Variants in DCAF10 observed in about 807,000 individuals in gnomAD.
DCAF10 encodes the protein DDB1 and CUL4 associated factor 10.
DCAF10 carries 19 observed loss-of-function variants against 51.9 expected under a neutral mutation model. The observed-to-expected ratio is 0.37, with a 90% confidence interval of 0.26 to 0.54. The LOEUF is 0.54. Ranked by LOEUF, DCAF10 falls within the 20% of genes least tolerant of loss-of-function variation. The pLI is 0.87. For synonymous variants in DCAF10, 291 were observed against 297.1 expected, an observed-to-expected ratio of 0.98 and a Z score of 0.21; for missense variants, 510 against 730.6, an observed-to-expected ratio of 0.70 and a Z score of 3.48.
chr9:37,830,039 A>G lies in DCAF10; in HGVS notation c.653+10638A>G, dbSNP rs907225181. Among the ~76,000 whole-genome samples, 4 of 152,180 alleles carry G rather than the reference A, an allele frequency of 2.6e-5. 1 individual carries two copies. The highest frequency in any genetic ancestry group is 9.7e-5 in the African/African-American group (4 of 41,438). ...AGAAGAAGAAGAAAGAAATTAATGC[A>G]TATGTGGACACGGAGGTATATGAAG... On this transcript the variant is annotated intron_variant, in intron 2 of 6. Transcript: ENST00000377724.
intron 3 of DCAF10, among the ~76,000 whole-genome samples, chr9:37,842,610 A>G (rs1589104848): frequency 1.3e-5 from 2 of 152,212 alleles, no homozygotes; most frequent in Non-Finnish European, 2.9e-5. Flanking sequence ...TCTTCCCTCA[A>G]TTCTACATAT....
chr9:37,825,272 C>T (rs558274632), intron 2 of DCAF10, among the ~76,000 whole-genome samples: 1 of 152,290 alleles, frequency 6.6e-6, no homozygotes, highest in East Asian at 1.9e-4. Flanking sequence ...CACATGCATG[C>T]ATATGTTCAT....
chr9:37,810,567 T>C (rs967404671), intron 1 of DCAF10, among the ~76,000 whole-genome samples: 1 of 152,184 alleles, frequency 6.6e-6, no homozygotes, highest in African/African-American at 2.4e-5. Flanking sequence ...GTTCAAGCGA[T>C]TCTCCTGCCT....
intron 5 of DCAF10, chr9:37,858,426 G>A (rs180706266): frequency 6.6e-6 from 1 of 152,142 alleles, no homozygotes; most frequent in Non-Finnish European, 1.5e-5. Flanking sequence ...AATAATCATT[G>A]AGAAAAATCT....
At position 37,821,097 on chromosome 9, in the gene DCAF10, A is replaced by G. The variant is rs562505139; in HGVS notation, c.653+1696A>G. ...AATTGTTGCATATACAAACATATAT[A>G]TATATATACACACACACACACTCAC... On this transcript the variant is annotated intron_variant, in intron 2 of 6. Coordinates refer to ENST00000377724, the MANE Select transcript of DCAF10 (RefSeq NM_024345.5). Among the ~76,000 whole-genome samples the G allele has an allele frequency of 1.1e-3, 165 of 149,352 alleles. 2 individuals are homozygous for G. In the East Asian group the frequency reaches 0.029, roughly 26 times the overall value.
intron 3 of DCAF10, among the ~76,000 whole-genome samples, chr9:37,846,257 T>C (rs527305147): frequency 6.6e-6 from 1 of 152,288 alleles, no homozygotes; most frequent in African/African-American, 2.4e-5. Context: ...ATCTGTATGA[T>C]TGTTTCAAAT....
chr9:37,833,878 G>A (rs1016545142), intron 2 of DCAF10, among the ~76,000 whole-genome samples: 3 of 152,032 alleles, frequency 2.0e-5, no homozygotes, highest in African/African-American at 7.3e-5. Context: ...ATTGTTCTAG[G>A]TGCTTTAATT....
intron 2 of DCAF10, among the ~76,000 whole-genome samples, chr9:37,840,353 TC>T (rs1320013838): frequency 2.6e-5 from 4 of 152,208 alleles, no homozygotes; most frequent in Non-Finnish European, 5.9e-5. Context: ...ACAGCTCTGT[TC>T]CTGTTATTGC....
At position 37,808,561 on chromosome 9, in the gene DCAF10, A is replaced by G. The variant is rs1355503518; in HGVS notation, c.539+7156A>G. ...ATAATATATGTAATATATAAAATAT[A>G]TAATACATAATATATAATATAAAAT... is the stretch of plus-strand genomic sequence containing the variant. On this transcript the variant is annotated intron_variant, in intron 1 of 6. Coordinates refer to ENST00000377724, the MANE Select transcript of DCAF10 (RefSeq NM_024345.5). Among the ~76,000 whole-genome samples the G allele has an allele frequency of 5.9e-5, 7 of 119,016 alleles. No homozygotes were observed. In the South Asian group the frequency reaches 1.6e-3, roughly 27 times the overall value. 78.1% of individuals were successfully genotyped at this position (119,016 alleles called of 152,430 possible).
intron 3 of DCAF10, among the ~76,000 whole-genome samples, chr9:37,851,995 A>G (rs1222796027): frequency 6.6e-6 from 1 of 152,132 alleles, no homozygotes; most frequent in East Asian, 1.9e-4. Context: ...TATTGGAATA[A>G]TGACTGAGAA....
intron 1 of DCAF10, among the ~76,000 whole-genome samples, chr9:37,804,758 A>G (rs1446802165): frequency 6.6e-6 from 1 of 152,004 alleles, no homozygotes; most frequent in Non-Finnish European, 1.5e-5. Context: ...CCTGGGCAAC[A>G]AGAGCAAAAC....
chr9:37,823,684 T>A (rs1277008016), intron 2 of DCAF10, among the ~76,000 whole-genome samples: 1 of 152,114 alleles, frequency 6.6e-6, no homozygotes, highest in Non-Finnish European at 1.5e-5. Context: ...ACATATGTAA[T>A]TTTTAATTTT....
chr9:37,846,976 G>A (rs1049635773), intron 3 of DCAF10, among the ~76,000 whole-genome samples: 5 of 152,036 alleles, frequency 3.3e-5, no homozygotes, highest in African/African-American at 9.7e-5. Flanking sequence ...CTACAGGGCT[G>A]GGTGTGGTGG....
In DCAF10 at chr9:37,801,001, C is replaced by T. The variant is rs766761710; in HGVS notation, c.135C>T (p.Thr45=). ...CACTACATCCCGGGGCTGATGCGACCCATCCCCCTCCACCCGCCCGAAGCC... is the reference window on the plus strand; with the variant it reads ...CACTACATCCCGGGGCTGATGCGACTCATCCCCCTCCACCCGCCCGAAGCC... ...PSPLHPGADA[T]HPPPPARSPR... is the part of the protein sequence containing the mutation. The change falls in exon 1 of 7, where the codon ACC becomes ACT. Residue 45 remains threonine, a synonymous_variant. Coordinates refer to ENST00000377724, the MANE Select transcript of DCAF10 (RefSeq NM_024345.5). This position sits in a 1 kb window ranked among gnomAD's most constrained non-coding sequence, Gnocchi z 5.5. 22 of 1,534,414 alleles carry T rather than the reference C, an allele frequency of 1.4e-5. No homozygotes were observed. The highest frequency in any genetic ancestry group is 1.4e-5 in the African/African-American group (1 of 70,724).
chr9:37,813,145 G>A (rs1829405363), intron 1 of DCAF10, among the ~76,000 whole-genome samples: 1 of 152,124 alleles, frequency 6.6e-6, no homozygotes, highest in African/African-American at 2.4e-5. Flanking sequence ...CTGTTGCCCA[G>A]GCTGGAGTTC....
chr9:37,810,109 G>A lies in DCAF10; in HGVS notation c.539+8704G>A, dbSNP rs182094001. Among the ~76,000 whole-genome samples, 625 of 151,604 alleles carry A rather than the reference G, an allele frequency of 4.1e-3. 3 individuals carry two copies. Among genetic ancestry groups the A allele is most frequent in the Admixed American group, 7.2e-3 (110 of 15,238 alleles). ...GGAGGTTGCAGTGAGCTGAGATTGC[G>A]CCACTGCACTCCAGCCTGGGCAACG... is the stretch of plus-strand genomic sequence containing the variant. On this transcript the variant is annotated intron_variant, in intron 1 of 6. Transcript: ENST00000377724.
intron 1 of DCAF10, among the ~76,000 whole-genome samples, chr9:37,803,993 T>G (rs975488023): frequency 8.5e-5 from 13 of 152,078 alleles, no homozygotes; most frequent in Admixed American, 1.3e-4. Flanking sequence ...TGTATCACCT[T>G]CTAAAATGAC....
At chr9:37,838,058 A>G (rs564011562) in intron 2 of DCAF10, among the ~76,000 whole-genome samples, 2 of 152,286 alleles carry the variant, frequency 1.3e-5, no homozygotes, top group East Asian at 3.9e-4. Flanking sequence ...ATATGGGAAG[A>G]AAACATAAAC....
chr9:37,817,998 CT>C lies in DCAF10; in HGVS notation c.540-1278del, dbSNP rs773625935. On this transcript the variant is annotated intron_variant, in intron 1 of 6. Coordinates refer to ENST00000377724, the MANE Select transcript of DCAF10 (RefSeq NM_024345.5). The stretch of plus-strand genomic sequence containing the variant: ...TTAGTAAATAAAGAAAAGATTTCAA[CT>C]TTTTTTTTTTTGAGACAGAGTCTTA... 5.0e-3 allele frequency among the ~76,000 whole-genome samples: 726 copies of C among 145,764 alleles called. 5 individuals are homozygous for C. Among genetic ancestry groups the C allele is most frequent in the African/African-American group, 0.016 (646 of 40,104 alleles).
Sources: allele counts gnomAD v4.1 joint callset (sites outside exome capture counted in the v4.1 genomes callset), GRCh38; gene constraint gnomAD v4.1.1; non-coding constraint Gnocchi (gnomAD v3.1); transcripts MANE v1.5; gene names NCBI Gene and HGNC (gene_info 2026-07-23, HGNC 2026-07-21).